Variants in SV2C observed in about 807,000 individuals in gnomAD.
SV2C encodes the protein solute carrier family 22 member B3.
SV2C carries 49 observed loss-of-function variants against 79.7 expected under a neutral mutation model. The ratio of observed to expected loss-of-function variants is 0.61; its 90% CI spans 0.49 to 0.78. SV2C has a LOEUF of 0.78. Among genes scored for constraint, SV2C ranks in the 30% least tolerant of loss-of-function variants. The pLI is 0.00. For missense variants in SV2C, 833 were observed against 912.9 expected, an observed-to-expected ratio of 0.91 and a Z score of 1.13; for synonymous variants, 334 against 333.2, an observed-to-expected ratio of 1.00 and a Z score of -0.03.
chr5:76,320,911 T>G (rs542796133), intron 12 of SV2C, among the ~76,000 whole-genome samples: 11 of 152,320 alleles, frequency 7.2e-5, no homozygotes, highest in African/African-American at 2.2e-4. Context: ...TTTGCCTCAC[T>G]TCAGGAGCCT....
the SV2C span, among the ~76,000 whole-genome samples, chr5:76,060,837 G>C: frequency 6.6e-6 from 1 of 151,978 alleles, no homozygotes; most frequent in Non-Finnish European, 1.5e-5. Flanking sequence ...CCTTCCTCAC[G>C]AAGCTTATTA....
the SV2C span, among the ~76,000 whole-genome samples, chr5:76,014,493 C>G: frequency 6.6e-6 from 1 of 152,184 alleles, no homozygotes; most frequent in East Asian, 1.9e-4. Flanking sequence ...AATTTCAGAT[C>G]TCTGTGAAAT....
chr5:76,301,382 G>T lies in SV2C; in HGVS notation c.1841-4G>T. On this transcript the variant is annotated splice_region_variant and splice_polypyrimidine_tract_variant and intron_variant, in intron 11 of 12. Coordinates refer to ENST00000502798, the MANE Select transcript of SV2C (RefSeq NM_014979.4). ...TTCCAGCCTTTTGTCTGCATTGTTG[G>T]CAGGTGGCTCTATGGTGCTTTCGGG... 6.2e-7 allele frequency: 1 copy of T among 1,613,720 alleles called. No individual in the cohort carries two copies. Among genetic ancestry groups the T allele is most frequent in the African/African-American group, 1.3e-5 (1 of 75,024 alleles).
At chr5:75,980,751 C>T in the SV2C span, among the ~76,000 whole-genome samples, 543 of 152,258 alleles carry the variant, frequency 3.6e-3, 1 homozygote, top group African/African-American at 0.012. Flanking sequence ...CCATAACCAA[C>T]ATCATACTGA....
At chr5:76,316,663 A>C (rs1748632464) in intron 12 of SV2C, among the ~76,000 whole-genome samples, 1 of 152,088 alleles carries the variant, frequency 6.6e-6, no homozygotes, top group South Asian at 2.1e-4. Context: ...TCTAAGGCAA[A>C]CCTGAGTGGG....
intron 3 of SV2C, among the ~76,000 whole-genome samples, chr5:76,202,202 T>A (rs1273489840): frequency 1.3e-5 from 2 of 152,140 alleles, no homozygotes; most frequent in Non-Finnish European, 2.9e-5. Flanking sequence ...TTTAAAATTG[T>A]TTAAGACTTT....
intron 8 of SV2C, among the ~76,000 whole-genome samples, chr5:76,292,646 A>C (rs1370730543): frequency 6.6e-6 from 1 of 152,134 alleles, no homozygotes; most frequent in African/African-American, 2.4e-5. Context: ...TCAAGACCCC[A>C]TTTCTAAAAA....
chr5:75,899,793 T>C, the SV2C span, among the ~76,000 whole-genome samples: 1 of 152,176 alleles, frequency 6.6e-6, no homozygotes, highest in Non-Finnish European at 1.5e-5. Flanking sequence ...GCTCTTCTTG[T>C]TGAATTGATC....
At chr5:75,912,419 G>T in the SV2C span, among the ~76,000 whole-genome samples, 69 of 152,290 alleles carry the variant, frequency 4.5e-4, no homozygotes, top group Admixed American at 1.1e-3. Flanking sequence ...CTTGAGCCTG[G>T]GAGGTCAAGG....
At chr5:76,043,039 T>C in the SV2C span, among the ~76,000 whole-genome samples, 4 of 152,338 alleles carry the variant, frequency 2.6e-5, no homozygotes, top group African/African-American at 9.6e-5. Context: ...TCAGCTTCCA[T>C]GATATACCTT....
chr5:76,262,002 T>C (rs1746486051), intron 4 of SV2C, among the ~76,000 whole-genome samples: 5 of 152,186 alleles, frequency 3.3e-5, no homozygotes, highest in Admixed American at 3.3e-4. Flanking sequence ...TTGTTTGGAA[T>C]AGTTTCAGAA....
At chr5:75,893,589 T>C in the SV2C span, among the ~76,000 whole-genome samples, 1 of 152,038 alleles carries the variant, frequency 6.6e-6, no homozygotes, top group African/African-American at 2.4e-5. Context: ...TGGAGACTGC[T>C]AGAGTGGGGA....
chr5:76,027,908 T>C, the SV2C span, among the ~76,000 whole-genome samples: 6 of 152,236 alleles, frequency 3.9e-5, no homozygotes, highest in Admixed American at 2.6e-4. Flanking sequence ...GCATGAGTAC[T>C]ATTACCTCTA....
At chr5:75,866,203 A>G in the SV2C span, among the ~76,000 whole-genome samples, 2 of 139,356 alleles carry the variant, frequency 1.4e-5, no homozygotes, top group Non-Finnish European at 3.0e-5. Flanking sequence ...GCATCAGTTC[A>G]TCTCCAATGC....
intron 12 of SV2C, among the ~76,000 whole-genome samples, chr5:76,339,786 A>C (rs1427737119): frequency 1.3e-5 from 2 of 152,098 alleles, no homozygotes; most frequent in African/African-American, 4.8e-5. Flanking sequence ...TGCTGAAGAC[A>C]CAGGCCACAT....
chr5:76,019,520 T>C, the SV2C span, among the ~76,000 whole-genome samples: 189 of 152,282 alleles, frequency 1.2e-3, no homozygotes, highest in African/African-American at 4.2e-3. Context: ...GGGTAAAAAG[T>C]ATTTCTACAA....
chr5:76,334,700 C>T (rs2112580153), downstream of SV2C, among the ~76,000 whole-genome samples: 1 of 152,310 alleles, frequency 6.6e-6, no homozygotes, highest in South Asian at 2.1e-4. Flanking sequence ...TCAAGGAGAA[C>T]ATTCTCGGAA....
intron 4 of SV2C, among the ~76,000 whole-genome samples, chr5:76,239,492 GC>G (rs935474200): frequency 1.3e-5 from 2 of 152,204 alleles, no homozygotes; most frequent in Non-Finnish European, 2.9e-5. Context: ...GCTTGTCTCT[GC>G]CGCATGATAC....
chr5:76,321,970 T>C (rs536648046), intron 12 of SV2C, among the ~76,000 whole-genome samples: 1 of 152,264 alleles, frequency 6.6e-6, no homozygotes, highest in East Asian at 1.9e-4. Flanking sequence ...TTACATTGGC[T>C]CACTGGTGTG....
Sources: gnomAD v4.1 joint callset for allele counts (sites outside exome capture counted in the v4.1 genomes callset) on GRCh38, gnomAD v4.1.1 for gene constraint, MANE v1.5 for transcripts, NCBI Gene and HGNC (gene_info 2026-07-23, HGNC 2026-07-21) for gene names.